HERC1: variants seen among roughly 807,000 people sequenced by gnomAD.
HERC1 encodes HECT and RLD domain containing E3 ubiquitin protein ligase family member 1, also known as probable E3 ubiquitin-protein ligase HERC1.
In HERC1, 160 loss-of-function variants were observed where a neutral mutation model predicts 554.3. That is an observed-to-expected ratio of 0.29 (90% CI 0.25 to 0.33). The LOEUF (loss-of-function observed/expected upper bound fraction) is 0.33, where lower values mean the gene tolerates loss of function less well. Ranked by LOEUF, HERC1 falls within the 10% of genes least tolerant of loss-of-function variation. The pLI, the probability that HERC1 is intolerant of heterozygous loss-of-function variation, is 1.00. For synonymous variants in HERC1, 2,175 were observed against 2,131.7 expected, an observed-to-expected ratio of 1.02 and a Z score of -0.56; for missense variants, 4,919 against 5,918.5, an observed-to-expected ratio of 0.83 and a Z score of 5.54.
chr15:63,677,703 G>C lies in HERC1; in HGVS notation c.7070+142C>G. 1.5e-6 allele frequency: 2 copies of C among 1,378,726 alleles called. No homozygotes were observed. The highest frequency in any genetic ancestry group is 1.9e-6 in the Non-Finnish European group (2 of 1,031,630). The allele number at this position is 1,378,726 out of a possible 1,614,324, so 85.4% of individuals were successfully genotyped here. A position where few individuals can be genotyped will look rare whatever the true frequency, so the allele number is the denominator to read the frequency against. Reference sequence around the variant, plus strand: ...AATTCTCCTTTAAGAAATTACAGTAGAAACATCTAGCTGCATGAGAAATAT... The same window carrying C: ...AATTCTCCTTTAAGAAATTACAGTACAAACATCTAGCTGCATGAGAAATAT... On this transcript the variant is annotated intron_variant, in intron 37 of 77. Coordinates refer to ENST00000443617, the MANE Select transcript of HERC1 (RefSeq NM_003922.4). The surrounding 1 kb of genome is among the most constrained non-coding windows in gnomAD (Gnocchi z 4.4).
At chr15:63,740,146 G>C (rs1232725492) in intron 12 of HERC1, among the ~76,000 whole-genome samples, 1 of 152,160 alleles carries the variant, frequency 6.6e-6, no homozygotes, top group Non-Finnish European at 1.5e-5. Context: ...CTGGACTCAA[G>C]TGATGTGCCC....
chr15:63,819,374 T>C (rs1479544329), intron 1 of HERC1, among the ~76,000 whole-genome samples: 1 of 152,230 alleles, frequency 6.6e-6, no homozygotes, highest in Admixed American at 6.5e-5. Context: ...TGAGAAAATG[T>C]TTACAAAAGT....
intron 69 of HERC1, among the ~76,000 whole-genome samples, chr15:63,629,410 G>A (rs1253320534): frequency 1.3e-5 from 2 of 152,084 alleles, no homozygotes; most frequent in Non-Finnish European, 2.9e-5. Context: ...ATGAATTCTT[G>A]GAAAGTTAAG....
chr15:63,788,754 T>C (rs935255056), intron 1 of HERC1, among the ~76,000 whole-genome samples: 2 of 149,760 alleles, frequency 1.3e-5, no homozygotes, highest in South Asian at 2.1e-4. Context: ...CCGTCTCTAC[T>C]AAAAATACAA....
chr15:63,829,102 T>C (rs1029457250), intron 1 of HERC1, among the ~76,000 whole-genome samples: 2 of 152,062 alleles, frequency 1.3e-5, no homozygotes, highest in Non-Finnish European at 2.9e-5. Context: ...TAGGTGTCAA[T>C]ATGAACCCAT....
intron 26 of HERC1, 22 bp downstream of exon 26, chr15:63,698,706 G>A: frequency 6.2e-7 from 1 of 1,603,668 alleles, no homozygotes. Context: ...GCTCTCATAA[G>A]GAGTAAATAT....
At chr15:63,808,092 G>T (rs1213637164) in intron 1 of HERC1, among the ~76,000 whole-genome samples, 5 of 146,374 alleles carry the variant, frequency 3.4e-5, no homozygotes, top group Non-Finnish European at 5.9e-5. Flanking sequence ...CTTTATGGAA[G>T]TTTAGCATAA....
intron 44 of HERC1, among the ~76,000 whole-genome samples, chr15:63,662,297 T>A (rs1340528613): frequency 6.6e-6 from 1 of 152,018 alleles, no homozygotes; most frequent in Non-Finnish European, 1.5e-5. Flanking sequence ...ATCTGTCCTA[T>A]CTCAAAATGA....
rs2074105007 is a variant in HERC1 at position 63,727,964 on chromosome 15, C to G, written c.3155-126G>C. The stretch of plus-strand genomic sequence containing the variant: ...CATTCAACAACTCTCTGTTGAACAC[C>G]TACCTGGTAGCTGATGTAGTATCAG... On this transcript the variant is annotated intron_variant, in intron 16 of 77. Transcript: ENST00000443617. The surrounding 1 kb of genome is among the most constrained non-coding windows in gnomAD (Gnocchi z 4.3). The G allele has an allele frequency of 1.5e-6, 1 of 668,506 alleles. No homozygotes were observed. The highest frequency in any genetic ancestry group is 2.5e-6 in the Non-Finnish European group (1 of 395,426). 41.4% of individuals were successfully genotyped at this position (668,506 alleles called of 1,614,324 possible). A position where few individuals can be genotyped will look rare whatever the true frequency, so the allele number is the denominator to read the frequency against.
chr15:63,647,883 C>T (rs886864672), intron 55 of HERC1, among the ~76,000 whole-genome samples, 186 bp downstream of exon 55: 1 of 152,100 alleles, frequency 6.6e-6, no homozygotes, highest in Non-Finnish European at 1.5e-5. Flanking sequence ...GAATGATAGA[C>T]AAGGGAGACT....
At chr15:63,751,814 G>A (rs2075257759) in intron 8 of HERC1, among the ~76,000 whole-genome samples, 1 of 151,880 alleles carries the variant, frequency 6.6e-6, no homozygotes, top group Non-Finnish European at 1.5e-5. Context: ...AGTTCTCTTG[G>A]AATTCAATGT....
At chr15:63,648,626 T>G (rs1015625155) in intron 54 of HERC1, among the ~76,000 whole-genome samples, 3 of 149,150 alleles carry the variant, frequency 2.0e-5, no homozygotes, top group African/African-American at 7.4e-5. Context: ...GTTTCCATAT[T>G]CTATCAAAAT....
At chr15:63,640,560 T>G in intron 60 of HERC1, 115 bp from the exon 61 acceptor site, 1 of 855,066 alleles carries the variant, frequency 1.2e-6, no homozygotes, top group Non-Finnish European at 1.8e-6. Context: ...TGTTTAAGCT[T>G]TTTGCTAGGA....
intron 4 of HERC1, among the ~76,000 whole-genome samples, chr15:63,757,253 TTTTA>T (rs1172274907): frequency 7.2e-6 from 1 of 138,516 alleles, no homozygotes; most frequent in East Asian, 1.9e-4. Flanking sequence ...AAATTCCAGT[TTTTA>T]TTTACTTTTT....
In HERC1 at chr15:63,616,465, C is replaced by T. The variant is rs867817106; in HGVS notation, c.13906G>A (p.Glu4636Lys). 12 of 1,613,850 alleles carry T rather than the reference C, an allele frequency of 7.4e-6. No individual in the cohort carries two copies. In the African/African-American group the frequency reaches 1.2e-4, roughly 16 times the overall value. Residue 4636 changes from glutamate (E) to lysine (K), a missense_variant, in exon 75 of 78, where the codon GAA (glutamate) becomes AAA (lysine). Glu to Lys is a moderately conservative substitution (Grantham distance 56). This residue lies in a region of HERC1 where 284 missense variants were observed against 294.1 expected (regional missense o/e 0.97). Coordinates refer to ENST00000443617, the MANE Select transcript of HERC1 (RefSeq NM_003922.4). ...VQTLNSILHI[E>K]DSGITEESFH... is the part of the protein sequence containing the mutation. Reference sequence around the variant, plus strand: ...CTCTCCTCGGTAATCCCACTGTCTTCAATGTGAAGAATGCTGTTGAGAGTC... The same window carrying T: ...CTCTCCTCGGTAATCCCACTGTCTTTAATGTGAAGAATGCTGTTGAGAGTC...
intron 46 of HERC1, 25 bp downstream of exon 46, chr15:63,660,948 T>C: frequency 6.9e-7 from 1 of 1,447,234 alleles, no homozygotes; most frequent in South Asian, 1.1e-5. Context: ...ACATGTAAAA[T>C]AAAGAAGCTC....
intron 53 of HERC1, among the ~76,000 whole-genome samples, chr15:63,650,309 G>A (rs1332692015): frequency 6.6e-6 from 1 of 152,134 alleles, no homozygotes; most frequent in Non-Finnish European, 1.5e-5. Context: ...GGGAGATGGA[G>A]GCTGCAGTGA....
At chr15:63,828,320 A>T (rs2078011105) in intron 1 of HERC1, among the ~76,000 whole-genome samples, 1 of 151,912 alleles carries the variant, frequency 6.6e-6, no homozygotes, top group Admixed American at 6.6e-5. Flanking sequence ...GGAGAGAGTG[A>T]CACTTTTCAG....
chr15:63,679,053 G>A (rs768708180), intron 36 of HERC1, among the ~76,000 whole-genome samples: 9 of 152,164 alleles, frequency 5.9e-5, no homozygotes. Context: ...GTTTCTCAGA[G>A]GTTCTAAAAT....
Sources: gnomAD v4.1 joint callset for allele counts (sites outside exome capture counted in the v4.1 genomes callset) on GRCh38, gnomAD v4.1.1 for gene constraint, gnomAD v4.1.1 regional missense constraint, Gnocchi (gnomAD v3.1) non-coding constraint, MANE v1.5 for transcripts, NCBI Gene and HGNC (gene_info 2026-07-23, HGNC 2026-07-21) for gene names.